Variants in CMKLR1 observed in about 807,000 individuals in gnomAD.
The protein encoded by CMKLR1 is chemerin-like receptor 1.
Under a neutral mutation model 8.2 loss-of-function variants are expected in CMKLR1, and 6 were observed. The ratio of observed to expected loss-of-function variants is 0.73; its 90% CI spans 0.40 to 1.44. The LOEUF is 1.44. Among genes scored for constraint, CMKLR1 ranks in the 40% most tolerant of loss-of-function variants. The probability of loss-of-function intolerance (pLI) is 0.02; values close to 1 mark genes in which losing one functional copy is unlikely to be tolerated. For synonymous variants in CMKLR1, 178 were observed against 181.2 expected, an observed-to-expected ratio of 0.98 and a Z score of 0.14; for missense variants, 429 against 478.0, an observed-to-expected ratio of 0.90 and a Z score of 0.96.
At chr12:108,337,417 G>A (rs993680580) in intron 1 of CMKLR1, among the ~76,000 whole-genome samples, 1 of 152,172 alleles carries the variant, frequency 6.6e-6, no homozygotes, top group Non-Finnish European at 1.5e-5. Context: ...CATGAACAAT[G>A]ACCCTAATAT....
Position 108,292,709 on chromosome 12 carries a change from T to A in CMKLR1, c.254A>T (p.Asp85Val), listed in dbSNP as rs758307028. 6.2e-7 allele frequency: 1 copy of A among 1,614,120 alleles called. No individual in the cohort carries two copies. Among genetic ancestry groups the A allele is most frequent in the East Asian group, 2.2e-5 (1 of 44,880 alleles). ...MVWFLNLAVA[D>V]FLFNVFLPIH... ...TGGGAGGAAGACGTTGAACAGGAAA[T>A]CTGCCACTGCCAGGTTGAGGAACCA... Residue 85 changes from aspartate to valine, a missense_variant, in exon 4 of 4, where the codon GAT becomes GTT. Coordinates refer to ENST00000550402, the MANE Select transcript of CMKLR1 (RefSeq NM_001142343.2).
At chr12:108,319,096 C>A (rs1891798431) in intron 2 of CMKLR1, among the ~76,000 whole-genome samples, 1 of 152,196 alleles carries the variant, frequency 6.6e-6, no homozygotes, top group Non-Finnish European at 1.5e-5. Context: ...GACAAGGAGC[C>A]TTTGTCTCCC....
At chr12:108,318,510 T>C (rs1024746970) in intron 2 of CMKLR1, among the ~76,000 whole-genome samples, 12 of 152,234 alleles carry the variant, frequency 7.9e-5, no homozygotes, top group African/African-American at 2.4e-4. Flanking sequence ...ATGACAATTG[T>C]TTGCAGGGTC....
intron 2 of CMKLR1, among the ~76,000 whole-genome samples, chr12:108,322,985 A>G (rs1263149253): frequency 2.0e-5 from 3 of 152,010 alleles, no homozygotes; most frequent in African/African-American, 7.2e-5. Context: ...CTTTCCCTCC[A>G]TACCTCATTC....
chr12:108,324,190 G>A (rs531800411), intron 2 of CMKLR1, among the ~76,000 whole-genome samples: 12 of 152,338 alleles, frequency 7.9e-5, no homozygotes, highest in South Asian at 4.1e-4. Context: ...GATCACGCTT[G>A]TTGTAGAACA....
intron 2 of CMKLR1, among the ~76,000 whole-genome samples, chr12:108,328,128 G>A (rs1011267206): frequency 6.6e-6 from 1 of 152,318 alleles, no homozygotes; most frequent in East Asian, 1.9e-4. Context: ...AGAAAGGCCT[G>A]TTTAGGCCAG....
chr12:108,306,100 G>A lies in CMKLR1; in HGVS notation c.-73-12436C>T, dbSNP rs1891399217. Among the ~76,000 whole-genome samples, 2 of 152,210 alleles carry A rather than the reference G, an allele frequency of 1.3e-5. 1 individual carries two copies. The highest frequency in any genetic ancestry group is 4.1e-4 in the South Asian group (2 of 4,830). On this transcript the variant is annotated intron_variant, in intron 2 of 3. Transcript: ENST00000550402. ...ATCCCTGTCTGTTCTGTGCCCTACA[G>A]GCTGACCTGCTTGAAAATCTCAATA...
chr12:108,316,462 G>A (rs1282470961), intron 2 of CMKLR1, among the ~76,000 whole-genome samples: 2 of 152,178 alleles, frequency 1.3e-5, no homozygotes, highest in African/African-American at 4.8e-5. Flanking sequence ...ACTGGAAAAA[G>A]GAGGACAGAG....
chr12:108,309,780 G>T (rs79141045), intron 2 of CMKLR1, among the ~76,000 whole-genome samples: 7,573 of 152,274 alleles, frequency 0.05, 222 homozygotes, highest in African/African-American at 0.073. Context: ...TGTTCCCTGG[G>T]GTAATAAGCC....
chr12:108,324,199 C>A (rs1593176478), intron 2 of CMKLR1, among the ~76,000 whole-genome samples: 1 of 152,188 alleles, frequency 6.6e-6, no homozygotes, highest in East Asian at 1.9e-4. Context: ...TGTTGTAGAA[C>A]AAGCACATCT....
Position 108,293,785 on chromosome 12 carries a change from A to G in CMKLR1, c.-73-121T>C, listed in dbSNP as rs1038061911. ...CTTATTCCCATTTTACAGAGAAGGA[A>G]GCAGAAGTTCAGAAAGGCTGTTATT... is the stretch of plus-strand genomic sequence containing the variant. On this transcript the variant is annotated intron_variant, in intron 2 of 3. Transcript: ENST00000550402. The G allele has an allele frequency of 1.4e-4, 91 of 640,604 alleles. 1 individual carries two copies. In the South Asian group the frequency reaches 1.8e-3, roughly 12 times the overall value. The allele number at this position is 640,604 out of a possible 1,614,324, so 39.7% of individuals were successfully genotyped here.
intron 1 of CMKLR1, among the ~76,000 whole-genome samples, chr12:108,338,324 G>A (rs1315512319): frequency 6.6e-5 from 10 of 152,320 alleles, no homozygotes; most frequent in African/African-American, 2.4e-4. Flanking sequence ...ACTTGAACAG[G>A]AGAGTCAGAC....
intron 2 of CMKLR1, among the ~76,000 whole-genome samples, chr12:108,308,039 G>C (rs192938465): frequency 1.3e-5 from 2 of 152,222 alleles, no homozygotes; most frequent in Non-Finnish European, 2.9e-5. Flanking sequence ...GAGCACGTGG[G>C]TAGAATCAGG....
intron 1 of CMKLR1, among the ~76,000 whole-genome samples, chr12:108,334,719 G>C (rs544703454): frequency 3.3e-4 from 51 of 152,252 alleles, no homozygotes; most frequent in African/African-American, 1.1e-3. Flanking sequence ...GATGTTTTTC[G>C]TTCAAATCCC....
intron 2 of CMKLR1, among the ~76,000 whole-genome samples, chr12:108,328,580 C>G (rs7297025): frequency 0.44 from 66,699 of 152,034 alleles, 15,042 homozygotes; most frequent in Admixed American, 0.54. Context: ...CTCTATCCAC[C>G]CGGTGGCCAT....
chr12:108,310,839 C>G (rs7131999), intron 2 of CMKLR1, among the ~76,000 whole-genome samples: 68,954 of 151,850 alleles, frequency 0.45, 17,042 homozygotes, highest in African/African-American at 0.65. Flanking sequence ...TTCAGCAAGG[C>G]GGGTAGGCAG....
chr12:108,301,557 A>G (rs2137303815), intron 2 of CMKLR1, among the ~76,000 whole-genome samples: 1 of 152,342 alleles, frequency 6.6e-6, no homozygotes, highest in East Asian at 1.9e-4. Flanking sequence ...AGTGCCTGGC[A>G]CATAGTAGGC....
rs1196764691 is a variant in CMKLR1, at chr12:108,322,904, C to T, written c.-74+7091G>A. On this transcript the variant is annotated intron_variant, in intron 2 of 3. Transcript: ENST00000550402. ...TGGTAATCATTTCATCCAATTGCCA[C>T]AGCTGGGCACCTACTATGTGCCAGG... Among the ~76,000 whole-genome samples the T allele has an allele frequency of 2.6e-5, 4 of 152,350 alleles. No individual in the cohort carries two copies. The East Asian group carries it at 5.8e-4, about 22-fold the overall frequency.
intron 2 of CMKLR1, among the ~76,000 whole-genome samples, chr12:108,322,549 G>A (rs1818571207): frequency 6.6e-6 from 1 of 152,100 alleles, no homozygotes; most frequent in African/African-American, 2.4e-5. Flanking sequence ...ACTGTGTCCA[G>A]GCAGCCTTCC....
Sources: gnomAD v4.1 joint callset for allele counts (sites outside exome capture counted in the v4.1 genomes callset) on GRCh38, gnomAD v4.1.1 for gene constraint, MANE v1.5 for transcripts, NCBI Gene and HGNC (gene_info 2026-07-23, HGNC 2026-07-21) for gene names.